The following TRAPPC9 variants were observed in gnomAD, a reference collection of about 807,000 sequenced individuals.
The protein encoded by TRAPPC9 is trafficking protein particle complex subunit 9.
In TRAPPC9, 83 loss-of-function variants were observed where a neutral mutation model predicts 124.0. The ratio of observed to expected loss-of-function variants is 0.67; its 90% CI spans 0.56 to 0.80. The LOEUF (loss-of-function observed/expected upper bound fraction) is 0.80. Ranked by LOEUF, TRAPPC9 falls within the 30% of genes least tolerant of loss-of-function variation. The pLI, the probability that TRAPPC9 is intolerant of heterozygous loss-of-function variation, is 0.00. For missense variants in TRAPPC9, 1,302 were observed against 1,508.3 expected, an observed-to-expected ratio of 0.86 and a Z score of 2.27; for synonymous variants, 638 against 617.5, an observed-to-expected ratio of 1.03 and a Z score of -0.49.
At chr8:140,319,172 CTTTTTTTT>C (rs35283714) in intron 9 of TRAPPC9, among the ~76,000 whole-genome samples, 1 of 118,520 alleles carries the variant, frequency 8.4e-6, no homozygotes, top group African/African-American at 3.2e-5. Context: ...TTATTTTGAA[CTTTTTTTT>C]TTTTTTTTTT....
chr8:139,810,073 C>A (rs1824333611), intron 21 of TRAPPC9, among the ~76,000 whole-genome samples: 2 of 152,128 alleles, frequency 1.3e-5, no homozygotes, highest in South Asian at 4.1e-4. Flanking sequence ...ACACATTCAC[C>A]CTGTTCCCTC....
At chr8:140,165,636 A>AG (rs199592872) in intron 17 of TRAPPC9, among the ~76,000 whole-genome samples, 3 of 22,712 alleles carry the variant, frequency 1.3e-4, no homozygotes, top group Admixed American at 6.2e-4. Context: ...AGCAAAGGGG[A>AG]GGGGGGGATG....
chr8:139,893,144 C>T lies in TRAPPC9; in HGVS notation c.2965-7175G>A, dbSNP rs541650957. ...CGTAGCCCTGGTGAGGGGCTCCTTC[C>T]TCTGTGCCCCACAGCCCTGGCGAGA... On this transcript the variant is annotated intron_variant, in intron 20 of 22. Coordinates refer to ENST00000438773, the MANE Select transcript of TRAPPC9 (RefSeq NM_001160372.4). 2.0e-5 allele frequency among the ~76,000 whole-genome samples: 3 copies of T among 152,374 alleles called. No homozygotes were observed. In the East Asian group the frequency reaches 5.8e-4, roughly 29 times the overall value.
At chr8:139,754,035 C>A (rs935947055) in intron 21 of TRAPPC9, among the ~76,000 whole-genome samples, 3 of 152,054 alleles carry the variant, frequency 2.0e-5, no homozygotes, top group Non-Finnish European at 2.9e-5. Context: ...CAATCTTGAA[C>A]GGACAAGTGC....
At chr8:140,029,605 C>A (rs1018552992) in intron 17 of TRAPPC9, among the ~76,000 whole-genome samples, 6 of 151,016 alleles carry the variant, frequency 4.0e-5, no homozygotes, top group South Asian at 2.1e-4. Flanking sequence ...TGCACATGTA[C>A]CCTAAAACTT....
intron 17 of TRAPPC9, among the ~76,000 whole-genome samples, chr8:140,192,574 G>T (rs973101485): frequency 1.3e-5 from 2 of 152,222 alleles, no homozygotes; most frequent in Admixed American, 6.5e-5. Context: ...TGCAGTCAGG[G>T]CAGCCCCATT....
At chr8:139,949,897 G>A (rs950074581) in intron 19 of TRAPPC9, among the ~76,000 whole-genome samples, 5 of 152,210 alleles carry the variant, frequency 3.3e-5, no homozygotes, top group Admixed American at 6.5e-5. Context: ...GTGCATCAAA[G>A]GATATGTTAA....
intron 21 of TRAPPC9, among the ~76,000 whole-genome samples, chr8:139,800,178 C>T (rs556242175): frequency 6.6e-5 from 10 of 152,242 alleles, no homozygotes; most frequent in Admixed American, 1.3e-4. Flanking sequence ...GTCCCCAGCC[C>T]GCTGTGCTGT....
In TRAPPC9 at chr8:140,065,003, T is replaced by C. The variant is rs189379796; in HGVS notation, c.2557-40924A>G. ...CACAACTGTCATCTCCCCTTCCTAA[T>C]GAGCACAGACTTCGCCCAAAGGATA... On this transcript the variant is annotated intron_variant, in intron 17 of 22. Coordinates refer to ENST00000438773, the MANE Select transcript of TRAPPC9 (RefSeq NM_001160372.4). 5.3e-5 allele frequency among the ~76,000 whole-genome samples: 8 copies of C among 152,322 alleles called. No homozygotes were observed. In the East Asian group the frequency reaches 1.5e-3, roughly 29 times the overall value.
chr8:139,910,026 C>A, intron 20 of TRAPPC9, 121 bp downstream of exon 20: 1 of 1,189,926 alleles, frequency 8.4e-7, no homozygotes, highest in Admixed American at 2.2e-5. Flanking sequence ...CTCCTTGCCA[C>A]AGCATTTCTG....
rs80070809 is a variant in TRAPPC9, at chr8:140,350,240, T to C, written c.1495+9810A>G. Among the ~76,000 whole-genome samples the C allele has an allele frequency of 3.9e-3, 537 of 138,424 alleles. 2 individuals are homozygous for C. Among genetic ancestry groups the C allele is most frequent in the African/African-American group, 0.014 (485 of 35,348 alleles). The allele number at this position is 138,424 out of a possible 152,430, so 90.8% of individuals were successfully genotyped here. On this transcript the variant is annotated intron_variant, in intron 9 of 22. Transcript: ENST00000438773. ...TCTTTCAAAATAATTGCAGTGATTATTTTTGGTCTCCTGTATTCAGCGACG... is the reference window on the plus strand; with the variant it reads ...TCTTTCAAAATAATTGCAGTGATTACTTTTGGTCTCCTGTATTCAGCGACG...
intron 17 of TRAPPC9, among the ~76,000 whole-genome samples, chr8:140,205,950 C>T (rs565092282): frequency 6.1e-4 from 93 of 152,336 alleles, no homozygotes; most frequent in African/African-American, 2.2e-3. Flanking sequence ...ATTTCCAACC[C>T]TCACCATCTT....
chr8:139,899,621 C>T (rs1169464928), intron 20 of TRAPPC9, among the ~76,000 whole-genome samples: 2 of 152,112 alleles, frequency 1.3e-5, no homozygotes, highest in African/African-American at 2.4e-5. Flanking sequence ...TGAGCTATAC[C>T]GGATACTCCC....
intron 5 of TRAPPC9, among the ~76,000 whole-genome samples, chr8:140,410,934 CAA>C (rs1178322631): frequency 6.6e-6 from 1 of 151,652 alleles, no homozygotes; most frequent in African/African-American, 2.4e-5. Flanking sequence ...TAAAAATCAG[CAA>C]AGATGGGGAA....
At chr8:140,030,486 T>C (rs1840434269) in intron 17 of TRAPPC9, among the ~76,000 whole-genome samples, 1 of 152,152 alleles carries the variant, frequency 6.6e-6, no homozygotes, top group Non-Finnish European at 1.5e-5. Flanking sequence ...ACAATTAACA[T>C]ATTACTCAGC....
rs1445555111 is a variant in TRAPPC9 at position 140,253,799 on chromosome 8, A to G, written c.2279-870T>C. ...CATGGTCTTTAATAAAAAGTCTTGA[A>G]TGTTAGAGTCACATGGCCTTGACTT... On this transcript the variant is annotated intron_variant, in intron 15 of 22. Coordinates refer to ENST00000438773, the MANE Select transcript of TRAPPC9 (RefSeq NM_001160372.4). Among the ~76,000 whole-genome samples, 3 of 152,172 alleles carry G rather than the reference A, an allele frequency of 2.0e-5. 1 individual carries two copies. The highest frequency in any genetic ancestry group is 7.2e-5 in the African/African-American group (3 of 41,440).
At chr8:140,418,771 T>TAGATAGAC (rs779953213) in intron 5 of TRAPPC9, among the ~76,000 whole-genome samples, 8,312 of 130,946 alleles carry the variant, frequency 0.063, 555 homozygotes, top group East Asian at 0.14. Flanking sequence ...GATAGATAGA[T>TAGATAGAC]AGACAGACAG....
chr8:139,908,929 G>C (rs1313869438), intron 20 of TRAPPC9, among the ~76,000 whole-genome samples: 1 of 152,188 alleles, frequency 6.6e-6, no homozygotes, highest in African/African-American at 2.4e-5. Context: ...TTCACTACGT[G>C]AGTCCCCAAG....
At chr8:139,971,474 G>A (rs1836062169) in intron 19 of TRAPPC9, among the ~76,000 whole-genome samples, 1 of 152,120 alleles carries the variant, frequency 6.6e-6, no homozygotes, top group African/African-American at 2.4e-5. Context: ...CCACCAGAAA[G>A]CTGTCCCCAA....
Sources: gnomAD v4.1 joint callset for allele counts (sites outside exome capture counted in the v4.1 genomes callset) on GRCh38, gnomAD v4.1.1 for gene constraint, MANE v1.5 for transcripts, NCBI Gene and HGNC (gene_info 2026-07-23, HGNC 2026-07-21) for gene names.